The following HKDC1 variants were observed in gnomAD, a reference collection of about 807,000 sequenced individuals.
HKDC1 encodes the protein hexokinase HKDC1.
In HKDC1, 66 loss-of-function variants were observed where a neutral mutation model predicts 96.6. That is an observed-to-expected ratio of 0.68 (90% CI 0.56 to 0.84). HKDC1 has a LOEUF of 0.84. Ranked by LOEUF, HKDC1 falls within the 40% of genes least tolerant of loss-of-function variation. The pLI is 0.00. For missense variants in HKDC1, 1,211 were observed against 1,208.1 expected (o/e 1.00, Z -0.04); for synonymous variants, 466 against 473.1 (o/e 0.98, Z 0.20).
intron 5 of HKDC1, 86 bp downstream of exon 5, chr10:69,239,223 G>A: frequency 1.2e-6 from 1 of 866,500 alleles, no homozygotes. Context: ...AGGTGAGGGG[G>A]TCACATATGG....
At chr10:69,231,341 A>G (rs1459125523) in intron 2 of HKDC1, among the ~76,000 whole-genome samples, 10 of 152,158 alleles carry the variant, frequency 6.6e-5, no homozygotes, top group Non-Finnish European at 1.0e-4. Context: ...CTTGGGGTGG[A>G]TAGCTTTTCC....
intron 1 of HKDC1, among the ~76,000 whole-genome samples, 167 bp downstream of exon 1, chr10:69,220,665 AC>A (rs1384092379): frequency 6.6e-6 from 1 of 152,202 alleles, no homozygotes; most frequent in Admixed American, 6.5e-5. Flanking sequence ...TAATTCTCCC[AC>A]ACTCCTGGGC....
At position 69,238,575 on chromosome 10, in the gene HKDC1, ACCT is replaced by A. The variant is rs1843400695; in HGVS notation, c.496-466_496-464del. On this transcript the variant is annotated intron_variant, in intron 4 of 17. Transcript: ENST00000354624. ...GTATTTTTAGTAGAGACGGGGTTTC[ACCT>A]TGTTAGCCAGGATGGTCTCGATCTC... Among the ~76,000 whole-genome samples, 7 of 42,782 alleles carry A rather than the reference ACCT, an allele frequency of 1.6e-4. 3 individuals carry two copies. Among genetic ancestry groups the A allele is most frequent in the Non-Finnish European group, 3.1e-4 (7 of 22,450 alleles). 28.1% of individuals were successfully genotyped at this position (42,782 alleles called of 152,430 possible). A position where few individuals can be genotyped will look rare whatever the true frequency, so the allele number is the denominator to read the frequency against.
intron 14 of HKDC1, among the ~76,000 whole-genome samples, chr10:69,257,691 G>C (rs1191873395): frequency 2.6e-5 from 4 of 152,038 alleles, no homozygotes; most frequent in Admixed American, 6.6e-5. Context: ...GTCATGGGGG[G>C]GGGAAGGAGA....
intron 7 of HKDC1, among the ~76,000 whole-genome samples, chr10:69,244,097 G>A (rs1393042944): frequency 6.6e-6 from 1 of 152,150 alleles, no homozygotes; most frequent in African/African-American, 2.4e-5. Flanking sequence ...TCAGCAAGTG[G>A]TGACTCTGGC....
Position 69,231,111 on chromosome 10 carries a change from G to A in HKDC1, c.227-1653G>A, listed in dbSNP as rs139804650. On this transcript the variant is annotated intron_variant, in intron 2 of 17. Coordinates refer to ENST00000354624, the MANE Select transcript of HKDC1 (RefSeq NM_025130.4). ...GAGTGAGGTGTTTGATAGTGATTGC[G>A]ATGCGGGCCGGGAGTGGGATGCCTC... is the stretch of plus-strand genomic sequence containing the variant. Among the ~76,000 whole-genome samples, 659 of 152,288 alleles carry A rather than the reference G, an allele frequency of 4.3e-3. 4 individuals are homozygous for A. The highest frequency in any genetic ancestry group is 0.013 in the African/African-American group (553 of 41,554).
intron 5 of HKDC1, 149 bp from the exon 6 acceptor site, chr10:69,240,503 A>G (rs1843438401): frequency 3.4e-6 from 2 of 595,588 alleles, no homozygotes; most frequent in South Asian, 2.0e-5. Flanking sequence ...CTGAACCTTG[A>G]TGAGGCCTTG....
intron 12 of HKDC1, among the ~76,000 whole-genome samples, chr10:69,255,446 C>T (rs546448497): frequency 5.9e-5 from 9 of 152,228 alleles, no homozygotes; most frequent in Admixed American, 3.3e-4. Context: ...ACGGGGCTGA[C>T]GGCACTGCCA....
intron 6 of HKDC1, among the ~76,000 whole-genome samples, chr10:69,242,677 G>A (rs1843472746): frequency 6.6e-6 from 1 of 152,122 alleles, no homozygotes; most frequent in Admixed American, 6.6e-5. Context: ...TTTGCATAAC[G>A]GAATGTTGCT....
Position 69,227,297 on chromosome 10 carries a change from G to C in HKDC1, c.154G>C (p.Ala52Pro). 1 of 1,614,186 alleles carries C rather than the reference G, an allele frequency of 6.2e-7. No individual in the cohort carries two copies. The highest frequency in any genetic ancestry group is 8.5e-7 in the Non-Finnish European group (1 of 1,180,034). Residue 52 changes from alanine to proline, a missense_variant, in exon 2 of 18, where the codon GCA becomes CCA. Transcript: ENST00000354624. ...RFRAEMEKGL[A>P]KDTNPTAAVK... ...CCGGGCTGAGATGGAGAAGGGCCTG[G>C]CAAAGGACACCAACCCCACGGCTGC...
intron 2 of HKDC1, among the ~76,000 whole-genome samples, chr10:69,228,435 A>G (rs1843196818): frequency 6.6e-6 from 1 of 152,034 alleles, no homozygotes; most frequent in Non-Finnish European, 1.5e-5. Context: ...GGATCTGGGG[A>G]TTAGGATGTG....
intron 10 of HKDC1, 152 bp downstream of exon 10, chr10:69,248,880 TG>T: frequency 1.4e-6 from 1 of 723,086 alleles, no homozygotes; most frequent in South Asian, 2.1e-5. Context: ...TTTCTAAATC[TG>T]TTGGCCTTTG....
In HKDC1 at chr10:69,227,079, G is replaced by T. The variant is rs562056317; in HGVS notation, c.64-128G>T. On this transcript the variant is annotated intron_variant, in intron 1 of 17. Coordinates refer to ENST00000354624, the MANE Select transcript of HKDC1 (RefSeq NM_025130.4). ...GGAGGGGTCAGATAGGGAGGCTTTG[G>T]GAATCCACATCTCAATGCTGTCCCC... is the stretch of plus-strand genomic sequence containing the variant. 6 of 1,026,444 alleles carry T rather than the reference G, an allele frequency of 5.8e-6. No homozygotes were observed. In the African/African-American group the frequency reaches 8.0e-5, roughly 14 times the overall value. 63.6% of individuals were successfully genotyped at this position (1,026,444 alleles called of 1,614,324 possible).
At chr10:69,260,639 TTAA>T (rs1294684704) in intron 15 of HKDC1, among the ~76,000 whole-genome samples, 2 of 152,178 alleles carry the variant, frequency 1.3e-5, no homozygotes, top group Non-Finnish European at 2.9e-5. Flanking sequence ...GTCACTGTTG[TTAA>T]TGATGATGTG....
In HKDC1 at chr10:69,261,183, G is replaced by A. The variant is rs765088532; in HGVS notation, c.2261G>A (p.Arg754Gln). Residue 754 changes from arginine (R) to glutamine (Q), a missense_variant, in exon 16 of 18, where the codon CGG (arginine) becomes CAG (glutamine). Arg to Gln is a conservative substitution (Grantham distance 43). Coordinates refer to ENST00000354624, the MANE Select transcript of HKDC1 (RefSeq NM_025130.4). ...GGGATGTACTTGGGGGAGATTGTGC[G>A]GCAGATCCTGATCGACCTGACCAAG... ...TSGMYLGEIV[R>Q]QILIDLTKQG... 19 of 1,614,062 alleles carry A rather than the reference G, an allele frequency of 1.2e-5. No individual in the cohort carries two copies. The highest frequency in any genetic ancestry group is 2.2e-5 in the South Asian group (2 of 91,062).
chr10:69,228,059 C>G (rs1258897714), intron 2 of HKDC1, among the ~76,000 whole-genome samples: 1 of 152,156 alleles, frequency 6.6e-6, no homozygotes, highest in East Asian at 1.9e-4. Context: ...AATATATTCT[C>G]TGACAGTTCT....
intron 2 of HKDC1, among the ~76,000 whole-genome samples, chr10:69,228,953 A>G (rs906020862): frequency 1.3e-5 from 2 of 152,124 alleles, no homozygotes; most frequent in African/African-American, 4.8e-5. Context: ...AGAAAGAAAG[A>G]AAGAGAAAGA....
intron 15 of HKDC1, among the ~76,000 whole-genome samples, chr10:69,260,870 T>C (rs916088187): frequency 2.0e-5 from 3 of 152,168 alleles, no homozygotes; most frequent in African/African-American, 4.8e-5. Context: ...CCAAGGAGAA[T>C]TGGCTTTGGG....
intron 2 of HKDC1, among the ~76,000 whole-genome samples, chr10:69,230,780 AC>A (rs1253900249): frequency 2.0e-5 from 3 of 151,976 alleles, no homozygotes; most frequent in East Asian, 3.9e-4. Flanking sequence ...CGCCCAACTG[AC>A]TTTTTTGTCT....
Sources: allele counts gnomAD v4.1 joint callset (sites outside exome capture counted in the v4.1 genomes callset), GRCh38; gene constraint gnomAD v4.1.1; transcripts MANE v1.5; gene names NCBI Gene and HGNC (gene_info 2026-07-23, HGNC 2026-07-21).